Variants in CWC27 observed in about 807,000 individuals in gnomAD.
The protein encoded by CWC27 is CWC27 spliceosome associated cyclophilin.
CWC27 carries 47 observed loss-of-function variants against 63.6 expected under a neutral mutation model. The ratio of observed to expected loss-of-function variants is 0.74; its 90% CI spans 0.58 to 0.94. CWC27 has a LOEUF of 0.94. Ranked by LOEUF, CWC27 falls within the 40% of genes least tolerant of loss-of-function variation. The pLI is 0.00. For missense variants in CWC27, 495 were observed against 554.3 expected, an observed-to-expected ratio of 0.89 and a Z score of 1.07; for synonymous variants, 175 against 179.8, an observed-to-expected ratio of 0.97 and a Z score of 0.22.
chr5:64,911,480 T>TA (rs1319032246), intron 11 of CWC27, among the ~76,000 whole-genome samples: 1 of 152,070 alleles, frequency 6.6e-6, no homozygotes, highest in Non-Finnish European at 1.5e-5. Context: ...TAAAATCCTT[T>TA]AAAAAATAAA....
chr5:64,901,682 C>G (rs749371732), intron 11 of CWC27, among the ~76,000 whole-genome samples: 8 of 152,016 alleles, frequency 5.3e-5, no homozygotes, highest in Non-Finnish European at 1.2e-4. Context: ...ATAACAACTT[C>G]GGCTTACTGT....
intron 11 of CWC27, among the ~76,000 whole-genome samples, chr5:64,954,437 T>C (rs1188604601): frequency 3.3e-5 from 5 of 151,944 alleles, no homozygotes; most frequent in African/African-American, 1.2e-4. Context: ...TACAGGTATA[T>C]GCCACTATGC....
At chr5:64,874,685 C>G (rs1400517457) in intron 10 of CWC27, among the ~76,000 whole-genome samples, 1 of 152,104 alleles carries the variant, frequency 6.6e-6, no homozygotes, top group Non-Finnish European at 1.5e-5. Context: ...GAGTGTTCAA[C>G]TATCAGTTCC....
chr5:64,806,304 G>A (rs760946022), intron 10 of CWC27, among the ~76,000 whole-genome samples: 8 of 152,086 alleles, frequency 5.3e-5, no homozygotes, highest in Non-Finnish European at 1.0e-4. Context: ...TAAAAAGTAC[G>A]TTAAATACTT....
intron 10 of CWC27, among the ~76,000 whole-genome samples, chr5:64,874,456 G>A (rs555026342): frequency 4.1e-4 from 62 of 151,588 alleles, no homozygotes; most frequent in African/African-American, 1.5e-3. Context: ...GAGCCACCGT[G>A]CCCAGCCGAT....
chr5:64,884,772 C>G (rs187297755), intron 10 of CWC27, among the ~76,000 whole-genome samples: 1 of 152,262 alleles, frequency 6.6e-6, no homozygotes, highest in East Asian at 1.9e-4. Context: ...CTAAAACTGG[C>G]ATGGAGAAGC....
intron 11 of CWC27, among the ~76,000 whole-genome samples, chr5:64,938,743 A>C (rs574092488): frequency 6.6e-6 from 1 of 151,276 alleles, no homozygotes; most frequent in South Asian, 2.1e-4. Flanking sequence ...CAGGTACACC[A>C]GTCAAACATA....
intron 2 of CWC27, among the ~76,000 whole-genome samples, chr5:64,776,987 C>T (rs1246136946): frequency 1.3e-5 from 2 of 151,808 alleles, no homozygotes; most frequent in African/African-American, 4.8e-5. Context: ...ATGAGTGGAA[C>T]TTTTAAAAAC....
chr5:64,998,446 G>T (rs966971238), intron 13 of CWC27, among the ~76,000 whole-genome samples: 5 of 152,114 alleles, frequency 3.3e-5, no homozygotes, highest in African/African-American at 1.2e-4. Flanking sequence ...CACAATGTTA[G>T]ATAGGCAAGA....
At chr5:64,927,279 A>G (rs1748136129) in intron 11 of CWC27, among the ~76,000 whole-genome samples, 2 of 152,214 alleles carry the variant, frequency 1.3e-5, no homozygotes, top group African/African-American at 4.8e-5. Flanking sequence ...TATACATTAC[A>G]TTACTAAACT....
At chr5:64,900,943 T>C (rs564422778) in intron 11 of CWC27, among the ~76,000 whole-genome samples, 2 of 152,236 alleles carry the variant, frequency 1.3e-5, no homozygotes, top group East Asian at 3.9e-4. Context: ...CAGCTCTGAA[T>C]GTGCCCCAAC....
intron 10 of CWC27, among the ~76,000 whole-genome samples, chr5:64,847,664 T>G (rs1470568689): frequency 1.3e-5 from 2 of 152,126 alleles, no homozygotes; most frequent in Non-Finnish European, 2.9e-5. Flanking sequence ...ATGATTCAAA[T>G]TATATTAAGT....
intron 11 of CWC27, among the ~76,000 whole-genome samples, chr5:64,908,154 C>T (rs1747702102): frequency 6.6e-6 from 1 of 152,108 alleles, no homozygotes; most frequent in Non-Finnish European, 1.5e-5. Context: ...CCAGGATTCA[C>T]TCAGGAGCAG....
intron 8 of CWC27, among the ~76,000 whole-genome samples, 180 bp downstream of exon 8, chr5:64,800,507 C>T (rs1744452341): frequency 6.6e-6 from 1 of 152,192 alleles, no homozygotes; most frequent in African/African-American, 2.4e-5. Flanking sequence ...GAAACAAACG[C>T]TCTAGTCACT....
At chr5:64,985,890 C>CA in intron 13 of CWC27, among the ~76,000 whole-genome samples, 1 of 152,064 alleles carries the variant, frequency 6.6e-6, no homozygotes, top group South Asian at 2.1e-4. Context: ...ATGTCTTTTA[C>CA]CAGTGTATGG....
intron 10 of CWC27, among the ~76,000 whole-genome samples, chr5:64,847,507 T>A (rs975346482): frequency 6.6e-6 from 1 of 152,148 alleles, no homozygotes; most frequent in Non-Finnish European, 1.5e-5. Context: ...AAGGAAACAC[T>A]GGACTGTAAC....
chr5:64,814,702 G>A (rs1463809648), intron 10 of CWC27, among the ~76,000 whole-genome samples: 1 of 152,172 alleles, frequency 6.6e-6, no homozygotes, highest in Non-Finnish European at 1.5e-5. Flanking sequence ...AGTCATGTGT[G>A]TCCAGCTAAA....
chr5:64,826,010 T>C (rs947870738), intron 10 of CWC27, among the ~76,000 whole-genome samples: 1 of 152,234 alleles, frequency 6.6e-6, no homozygotes, highest in Non-Finnish European at 1.5e-5. Flanking sequence ...GATGGCTTGC[T>C]TGCTCTACAG....
intron 11 of CWC27, among the ~76,000 whole-genome samples, chr5:64,898,483 C>G (rs1035295658): frequency 9.9e-5 from 15 of 151,968 alleles, no homozygotes; most frequent in African/African-American, 3.1e-4. Context: ...TAGTAGATAG[C>G]CAGAAAATTG....
Sources: gnomAD v4.1 joint callset for allele counts (sites outside exome capture counted in the v4.1 genomes callset) on GRCh38, gnomAD v4.1.1 for gene constraint, MANE v1.5 for transcripts, NCBI Gene and HGNC (gene_info 2026-07-23, HGNC 2026-07-21) for gene names.